The following PHF24 variants were observed in gnomAD, a reference collection of about 807,000 sequenced individuals.
PHF24 encodes Galpha inhibitory interacting protein.
PHF24 carries 25 observed loss-of-function variants against 42.6 expected under a neutral mutation model. The observed-to-expected ratio is 0.59, with a 90% CI of 0.43 to 0.82. The LOEUF (loss-of-function observed/expected upper bound fraction) is 0.82. Among genes scored for constraint, PHF24 ranks in the 40% least tolerant of loss-of-function variants. PHF24 has a pLI of 0.00. For synonymous variants in PHF24, 185 were observed against 204.8 expected, an observed-to-expected ratio of 0.90 and a Z score of 0.83; for missense variants, 470 against 538.1, an observed-to-expected ratio of 0.87 and a Z score of 1.25.
chr9:34,732,140 G>T, the PHF24 span, among the ~76,000 whole-genome samples: 6 of 151,988 alleles, frequency 3.9e-5, no homozygotes, highest in Admixed American at 3.9e-4. Context: ...GGGGTTACAG[G>T]CGTGAGCCTA....
chr9:34,720,043 G>T, the PHF24 span, among the ~76,000 whole-genome samples: 1 of 152,146 alleles, frequency 6.6e-6, no homozygotes, highest in African/African-American at 2.4e-5. Flanking sequence ...CTAAATGCTG[G>T]GGTCCCATCA....
At chr9:34,759,311 A>G in the PHF24 span, among the ~76,000 whole-genome samples, 1 of 152,140 alleles carries the variant, frequency 6.6e-6, no homozygotes, top group African/African-American at 2.4e-5. Flanking sequence ...AAACAAGCCA[A>G]TCACATCCTC....
chr9:34,898,461 G>T, the PHF24 span, among the ~76,000 whole-genome samples: 1 of 152,126 alleles, frequency 6.6e-6, no homozygotes, highest in Admixed American at 6.5e-5. Context: ...AAGGAAACTA[G>T]ATCTTCATAT....
At chr9:34,834,402 G>C in the PHF24 span, 1 of 1,551,692 alleles carries the variant, frequency 6.4e-7, no homozygotes, top group Non-Finnish European at 8.7e-7. Flanking sequence ...ACGTTGGCTA[G>C]GGCTGTGCTG....
the PHF24 span, among the ~76,000 whole-genome samples, chr9:34,674,043 A>G: frequency 6.6e-6 from 1 of 152,256 alleles, no homozygotes; most frequent in Non-Finnish European, 1.5e-5. Context: ...GGCGTGAGCC[A>G]CTGCATCTGG....
chr9:34,736,138 A>G, the PHF24 span, among the ~76,000 whole-genome samples: 39 of 152,108 alleles, frequency 2.6e-4, no homozygotes, highest in Non-Finnish European at 5.0e-4. Context: ...GACACGAAAC[A>G]GAAAGAAAAA....
chr9:34,731,874 A>G, the PHF24 span, among the ~76,000 whole-genome samples: 1 of 151,564 alleles, frequency 6.6e-6, no homozygotes, highest in East Asian at 1.9e-4. Context: ...TTTTTTGGAC[A>G]GGTTTTTGCT....
chr9:34,904,339 A>G, the PHF24 span, among the ~76,000 whole-genome samples: 5 of 152,052 alleles, frequency 3.3e-5, no homozygotes, highest in African/African-American at 1.2e-4. Context: ...TTCCCCATTC[A>G]GTATTATTTT....
chr9:34,835,633 G>A, the PHF24 span: 1 of 1,551,768 alleles, frequency 6.4e-7, no homozygotes, highest in Non-Finnish European at 8.7e-7. Context: ...GTCAAGCCTT[G>A]AAGAAGCTAT....
At chr9:34,928,827 A>T in the PHF24 span, among the ~76,000 whole-genome samples, 46 of 152,304 alleles carry the variant, frequency 3.0e-4, no homozygotes, top group Admixed American at 3.0e-3. Flanking sequence ...CTTGGGATGG[A>T]CAAACAAACA....
At chr9:34,715,838 G>A in the PHF24 span, among the ~76,000 whole-genome samples, 1 of 152,212 alleles carries the variant, frequency 6.6e-6, no homozygotes, top group Non-Finnish European at 1.5e-5. Context: ...TCCTAGGTGT[G>A]GGTGTTGCAA....
At chr9:34,727,772 A>T in the PHF24 span, among the ~76,000 whole-genome samples, 1 of 152,226 alleles carries the variant, frequency 6.6e-6, no homozygotes, top group South Asian at 2.1e-4. Flanking sequence ...TTTATGAATT[A>T]TACACTAGTA....
At chr9:34,774,404 C>CA in the PHF24 span, among the ~76,000 whole-genome samples, 2 of 151,942 alleles carry the variant, frequency 1.3e-5, no homozygotes, top group African/African-American at 4.8e-5. Flanking sequence ...ACAACAAAAA[C>CA]AAAAAAAACA....
chr9:34,934,611 C>T, the PHF24 span, among the ~76,000 whole-genome samples: 3 of 150,194 alleles, frequency 2.0e-5, no homozygotes, highest in Non-Finnish European at 3.0e-5. Context: ...TTAAGCCTTT[C>T]GAAATCCCTG....
chr9:34,903,659 A>C, the PHF24 span, among the ~76,000 whole-genome samples: 497 of 152,356 alleles, frequency 3.3e-3, 3 homozygotes, highest in African/African-American at 0.011. Flanking sequence ...ATCCTGGTAC[A>C]CACCTAGTTC....
the PHF24 span, among the ~76,000 whole-genome samples, chr9:34,933,424 T>A: frequency 5.6e-3 from 860 of 152,218 alleles, 10 homozygotes; most frequent in African/African-American, 0.02. Context: ...ATTAATTTTA[T>A]TTCAAAAAAC....
chr9:34,800,139 TA>T, the PHF24 span, among the ~76,000 whole-genome samples: 2 of 151,944 alleles, frequency 1.3e-5, no homozygotes, highest in South Asian at 2.1e-4. Context: ...TTATACAAAT[TA>T]AAAAAAAGAA....
At chr9:34,678,805 A>T in the PHF24 span, among the ~76,000 whole-genome samples, 7 of 151,624 alleles carry the variant, frequency 4.6e-5, no homozygotes, top group Admixed American at 3.9e-4. Context: ...TAATTTTTGT[A>T]TTTTTAGTAG....
At chr9:34,872,017 A>C in the PHF24 span, among the ~76,000 whole-genome samples, 1 of 152,086 alleles carries the variant, frequency 6.6e-6, no homozygotes, top group Non-Finnish European at 1.5e-5. Flanking sequence ...TGAATGTTGA[A>C]TATCTTTCCA....
Sources: gnomAD v4.1 joint callset for allele counts (sites outside exome capture counted in the v4.1 genomes callset) on GRCh38, gnomAD v4.1.1 for gene constraint, MANE v1.5 for transcripts, NCBI Gene and HGNC (gene_info 2026-07-23, HGNC 2026-07-21) for gene names.